Variants in MGAT4C observed in about 807,000 individuals in gnomAD.
MGAT4C encodes MGAT4 family member C.
In MGAT4C, 19 loss-of-function variants were observed where a neutral mutation model predicts 40.1. The ratio of observed to expected loss-of-function variants is 0.47; its 90% confidence interval spans 0.33 to 0.70. The LOEUF (loss-of-function observed/expected upper bound fraction) is 0.70. MGAT4C is among the 30% of genes least tolerant of loss of function. The pLI is 0.02. For missense variants in MGAT4C, 491 were observed against 563.2 expected (o/e 0.87, Z 1.30); for synonymous variants, 181 against 187.1 (o/e 0.97, Z 0.27).
intron 4 of MGAT4C, among the ~76,000 whole-genome samples, chr12:86,279,676 A>C (rs1210190763): frequency 7.3e-6 from 1 of 136,780 alleles, no homozygotes; most frequent in South Asian, 2.3e-4. Context: ...TTCTTCTACT[A>C]ATTTTGGGTT....
intron 1 of MGAT4C, among the ~76,000 whole-genome samples, chr12:86,212,508 C>T (rs924474298): frequency 1.3e-5 from 2 of 151,842 alleles, no homozygotes; most frequent in Non-Finnish European, 2.9e-5. Context: ...ATTATCATCA[C>T]GTAATTGATA....
At chr12:86,144,051 G>A (rs1346651422) in intron 1 of MGAT4C, among the ~76,000 whole-genome samples, 1 of 152,208 alleles carries the variant, frequency 6.6e-6, no homozygotes, top group East Asian at 1.9e-4. Context: ...ATGCGCACAA[G>A]TACGTGGTTT....
At chr12:86,820,364 A>C in intron 1 of MGAT4C, among the ~76,000 whole-genome samples, 1 of 150,818 alleles carries the variant, frequency 6.6e-6, no homozygotes, top group Non-Finnish European at 1.5e-5. Flanking sequence ...TCATTTCTAC[A>C]CAAATAACAT....
intron 1 of MGAT4C, among the ~76,000 whole-genome samples, chr12:86,076,819 G>A (rs948458787): frequency 4.6e-5 from 7 of 152,118 alleles, no homozygotes; most frequent in African/African-American, 1.4e-4. Flanking sequence ...TTCAAGTTGA[G>A]ATTTGGGTGG....
intron 2 of MGAT4C, among the ~76,000 whole-genome samples, chr12:86,617,767 T>C (rs1476963978): frequency 6.6e-6 from 1 of 151,602 alleles, no homozygotes; most frequent in African/African-American, 2.4e-5. Flanking sequence ...TCCAGTACTT[T>C]GCTCTAGGCA....
intron 2 of MGAT4C, among the ~76,000 whole-genome samples, chr12:86,596,923 C>G (rs915600587): frequency 2.0e-5 from 3 of 152,170 alleles, no homozygotes; most frequent in Admixed American, 2.0e-4. Context: ...CTGACCATAA[C>G]AGCATGGAAA....
intron 1 of MGAT4C, among the ~76,000 whole-genome samples, chr12:86,054,794 T>C (rs1387481092): frequency 2.6e-5 from 4 of 151,972 alleles, no homozygotes; most frequent in Admixed American, 2.6e-4. Context: ...ATCTAGTTCA[T>C]AGGTCCACCA....
chr12:86,102,211 T>C (rs1311165846), intron 1 of MGAT4C, among the ~76,000 whole-genome samples: 2 of 152,002 alleles, frequency 1.3e-5, no homozygotes, highest in African/African-American at 4.8e-5. Context: ...TGCATATTGA[T>C]GTAGAAATGG....
At chr12:86,487,348 C>A (rs1380508074) in intron 2 of MGAT4C, among the ~76,000 whole-genome samples, 1 of 152,010 alleles carries the variant, frequency 6.6e-6, no homozygotes, top group Non-Finnish European at 1.5e-5. Flanking sequence ...AGGACTAAGC[C>A]CTGGAAATTG....
intron 1 of MGAT4C, among the ~76,000 whole-genome samples, chr12:86,835,996 C>T (rs944696606): frequency 6.6e-6 from 1 of 151,804 alleles, no homozygotes; most frequent in East Asian, 1.9e-4. Flanking sequence ...GCACAAACTA[C>T]GTATTTATTA....
At chr12:86,463,177 C>T (rs939905103) in intron 2 of MGAT4C, among the ~76,000 whole-genome samples, 1 of 152,112 alleles carries the variant, frequency 6.6e-6, no homozygotes, top group Non-Finnish European at 1.5e-5. Context: ...TAATTTATAA[C>T]TCATACATTT....
At chr12:86,027,570 C>G (rs1890353418) in intron 2 of MGAT4C, among the ~76,000 whole-genome samples, 1 of 151,656 alleles carries the variant, frequency 6.6e-6, no homozygotes, top group Admixed American at 6.6e-5. Flanking sequence ...AAATATAGGT[C>G]AATATACACT....
intron 1 of MGAT4C, among the ~76,000 whole-genome samples, chr12:86,775,279 A>T (rs1951730947): frequency 6.6e-6 from 1 of 152,116 alleles, no homozygotes; most frequent in East Asian, 1.9e-4. Flanking sequence ...TCTAAAACTT[A>T]AGATAAAGCC....
intron 2 of MGAT4C, among the ~76,000 whole-genome samples, chr12:86,688,971 T>G (rs1265214103): frequency 6.6e-6 from 1 of 152,214 alleles, no homozygotes; most frequent in Non-Finnish European, 1.5e-5. Flanking sequence ...CCTTGTCACT[T>G]TCAGGTACAC....
intron 3 of MGAT4C, among the ~76,000 whole-genome samples, chr12:86,421,454 G>T (rs1956824100): frequency 6.6e-6 from 1 of 151,996 alleles, no homozygotes; most frequent in South Asian, 2.1e-4. Context: ...TTAATGATTT[G>T]CCAAGCAGCC....
chr12:86,224,865 T>C (rs1030272447), intron 1 of MGAT4C, among the ~76,000 whole-genome samples: 2 of 152,020 alleles, frequency 1.3e-5, no homozygotes, highest in African/African-American at 4.8e-5. Flanking sequence ...AATCTAACTT[T>C]GTACATTAAG....
At chr12:86,438,496 C>A (rs1280888408) in intron 2 of MGAT4C, among the ~76,000 whole-genome samples, 1 of 151,802 alleles carries the variant, frequency 6.6e-6, no homozygotes, top group African/African-American at 2.4e-5. Context: ...CTAGAGTAAA[C>A]AACAAATTTT....
chr12:86,535,639 T>G (rs978425074), intron 2 of MGAT4C, among the ~76,000 whole-genome samples: 1 of 152,058 alleles, frequency 6.6e-6, no homozygotes, highest in African/African-American at 2.4e-5. Flanking sequence ...ATGAGAAACC[T>G]CCTTCAACAG....
At chr12:86,397,724 G>A (rs566411788) in intron 3 of MGAT4C, among the ~76,000 whole-genome samples, 24 of 152,248 alleles carry the variant, frequency 1.6e-4, no homozygotes, top group Non-Finnish European at 2.6e-4. Context: ...ACTTTGGGAG[G>A]GCAAGGTGGG....
Sources: gnomAD v4.1 joint callset for allele counts (sites outside exome capture counted in the v4.1 genomes callset) on GRCh38, gnomAD v4.1.1 for gene constraint, MANE v1.5 for transcripts, NCBI Gene and HGNC (gene_info 2026-07-23, HGNC 2026-07-21) for gene names.